CDK14: variants seen among roughly 807,000 people sequenced by gnomAD.
CDK14 encodes the protein cyclin-dependent kinase 14.
A neutral mutation model predicts 60.7 loss-of-function variants in CDK14; 34 were observed. The observed-to-expected ratio is 0.56, with a 90% CI of 0.43 to 0.75. CDK14 has a LOEUF of 0.75. Ranked by LOEUF, CDK14 falls within the 30% of genes least tolerant of loss-of-function variation. The pLI is 0.00. For synonymous variants in CDK14, 197 were observed against 203.7 expected (o/e 0.97, Z 0.28); for missense variants, 482 against 564.1 (o/e 0.85, Z 1.47).
intron 10 of CDK14, among the ~76,000 whole-genome samples, chr7:91,009,037 A>G (rs1412425073): frequency 1.3e-5 from 2 of 151,848 alleles, no homozygotes; most frequent in African/African-American, 4.8e-5. Flanking sequence ...TTCCATCCCC[A>G]AGCGACTACT....
chr7:90,863,527 G>C (rs1282564566), intron 6 of CDK14, among the ~76,000 whole-genome samples: 2 of 152,014 alleles, frequency 1.3e-5, no homozygotes, highest in African/African-American at 4.8e-5. Flanking sequence ...TTTGTTACTA[G>C]GATACATTGT....
At chr7:90,623,432 G>A (rs1223213230) in intron 2 of CDK14, among the ~76,000 whole-genome samples, 1 of 151,974 alleles carries the variant, frequency 6.6e-6, no homozygotes, top group Admixed American at 6.6e-5. Flanking sequence ...CATCTCTTTG[G>A]CAGGGTTGAT....
chr7:90,879,095 T>C (rs1330338925), intron 6 of CDK14, among the ~76,000 whole-genome samples: 1 of 152,234 alleles, frequency 6.6e-6, no homozygotes, highest in Non-Finnish European at 1.5e-5. Flanking sequence ...AAGTTACTTG[T>C]TATTGCAGCA....
At chr7:90,598,183 G>A (rs923412245) in intron 1 of CDK14, among the ~76,000 whole-genome samples, 1 of 152,224 alleles carries the variant, frequency 6.6e-6, no homozygotes, top group Non-Finnish European at 1.5e-5. Flanking sequence ...TGATTCTGCT[G>A]GAGCCCCTCC....
intron 2 of CDK14, among the ~76,000 whole-genome samples, chr7:90,617,937 A>G (rs559693950): frequency 2.0e-5 from 3 of 152,308 alleles, no homozygotes; most frequent in African/African-American, 7.2e-5. Context: ...TGATGAGAAA[A>G]CTGCTGTGTT....
intron 14 of CDK14, among the ~76,000 whole-genome samples, chr7:91,136,570 T>G (rs974044919): frequency 6.6e-6 from 1 of 152,168 alleles, no homozygotes; most frequent in African/African-American, 2.4e-5. Flanking sequence ...TTAACACATT[T>G]TATATATATA....
intron 2 of CDK14, among the ~76,000 whole-genome samples, chr7:90,642,871 T>C (rs1800371345): frequency 6.6e-6 from 1 of 152,246 alleles, no homozygotes; most frequent in Non-Finnish European, 1.5e-5. Flanking sequence ...TTCCTATTAC[T>C]GCCTTGAGAG....
At chr7:91,178,782 G>C (rs1294929107) in intron 14 of CDK14, among the ~76,000 whole-genome samples, 1 of 151,336 alleles carries the variant, frequency 6.6e-6, no homozygotes, top group African/African-American at 2.4e-5. Flanking sequence ...CAGTTAGAAT[G>C]GCAATCATTA....
chr7:91,015,111 A>G (rs1327355465), intron 10 of CDK14, among the ~76,000 whole-genome samples: 3 of 152,082 alleles, frequency 2.0e-5, no homozygotes, highest in African/African-American at 7.2e-5. Context: ...TGTTTTTGCT[A>G]ATTTTTTTTC....
At chr7:90,836,511 G>A (rs2117128704) in intron 5 of CDK14, among the ~76,000 whole-genome samples, 1 of 152,264 alleles carries the variant, frequency 6.6e-6, no homozygotes, top group Non-Finnish European at 1.5e-5. Flanking sequence ...CATGCTTGGA[G>A]CTGTCATCTC....
At chr7:90,684,520 C>CAGT (rs1256276891) in intron 2 of CDK14, among the ~76,000 whole-genome samples, 1 of 152,152 alleles carries the variant, frequency 6.6e-6, no homozygotes, top group Non-Finnish European at 1.5e-5. Flanking sequence ...ATGTCAGTAA[C>CAGT]AGTAACATGT....
intron 5 of CDK14, among the ~76,000 whole-genome samples, chr7:90,831,213 A>G (rs1789900401): frequency 6.6e-6 from 1 of 152,184 alleles, no homozygotes; most frequent in Non-Finnish European, 1.5e-5. Flanking sequence ...TAAACAAAAG[A>G]GGTTTAATTG....
intron 4 of CDK14, among the ~76,000 whole-genome samples, chr7:90,754,906 A>C (rs928756022): frequency 2.0e-5 from 3 of 152,118 alleles, no homozygotes; most frequent in Non-Finnish European, 4.4e-5. Context: ...ACAAATCAAA[A>C]CCGTAATGAG....
chr7:90,867,687 T>G (rs1021505356), intron 6 of CDK14, among the ~76,000 whole-genome samples: 1 of 152,046 alleles, frequency 6.6e-6, no homozygotes, highest in Admixed American at 6.6e-5. Flanking sequence ...GGGGGGTGGA[T>G]ACAAGATGGA....
intron 9 of CDK14, among the ~76,000 whole-genome samples, chr7:90,960,241 C>T (rs553052994): frequency 2.6e-5 from 4 of 152,214 alleles, no homozygotes; most frequent in South Asian, 4.1e-4. Flanking sequence ...CTCATCAAGA[C>T]CACAGTGCTT....
At chr7:90,930,208 A>G (rs2191315) in intron 8 of CDK14, among the ~76,000 whole-genome samples, 125,875 of 151,882 alleles carry the variant, frequency 0.83, 52,313 homozygotes, top group East Asian at 0.95. Context: ...AAATATGCAT[A>G]AATGAAGGAG....
intron 3 of CDK14, among the ~76,000 whole-genome samples, chr7:90,741,030 A>C (rs1392262500): frequency 6.6e-6 from 1 of 152,180 alleles, no homozygotes; most frequent in East Asian, 1.9e-4. Flanking sequence ...TTTGGTCTAT[A>C]TTTCATTATA....
chr7:91,040,524 T>C lies in CDK14; in HGVS notation c.1042-5373T>C, dbSNP rs1797059439. Among the ~76,000 whole-genome samples, 3 of 152,356 alleles carry C rather than the reference T, an allele frequency of 2.0e-5. No homozygotes were observed. The South Asian group carries it at 6.2e-4, about 32-fold the overall frequency. On this transcript the variant is annotated intron_variant, in intron 10 of 14. Coordinates refer to ENST00000380050, the MANE Select transcript of CDK14 (RefSeq NM_001287135.2). Reference sequence around the variant, plus strand: ...GTTGCAGCTTAAAAATAATCAGTTATTAGGTTGTTCTGAAGTCCCTTAGAA... The same window carrying C: ...GTTGCAGCTTAAAAATAATCAGTTACTAGGTTGTTCTGAAGTCCCTTAGAA...
intron 14 of CDK14, among the ~76,000 whole-genome samples, chr7:91,151,368 A>G (rs2115687071): frequency 1.3e-5 from 2 of 152,342 alleles, no homozygotes; most frequent in Admixed American, 1.3e-4. Context: ...TTGCTATTCA[A>G]ATCCAGACAA....
Sources: gnomAD v4.1 joint callset for allele counts (sites outside exome capture counted in the v4.1 genomes callset) on GRCh38, gnomAD v4.1.1 for gene constraint, MANE v1.5 for transcripts, NCBI Gene and HGNC (gene_info 2026-07-23, HGNC 2026-07-21) for gene names.